The following GREB1L variants were observed in gnomAD, a reference collection of about 807,000 sequenced individuals.
GREB1L encodes the protein GREB1 like retinoic acid receptor coactivator, also known as GREB1-like protein.
GREB1L carries 17 observed loss-of-function variants against 200.8 expected under a neutral mutation model. The observed-to-expected ratio is 0.08, with a 90% CI of 0.06 to 0.13. GREB1L has a LOEUF of 0.13. Among genes scored for constraint, GREB1L ranks in the 10% least tolerant of loss-of-function variants. The pLI is 1.00. For missense variants in GREB1L, 1,657 were observed against 2,367.7 expected (o/e 0.70, Z 6.23); for synonymous variants, 789 against 893.0 (o/e 0.88, Z 2.08).
At position 21,451,951 on chromosome 18, in the gene GREB1L, TA is replaced by T. The variant is rs1474251968; in HGVS notation, c.1850-129del. 2.4e-5 allele frequency: 18 copies of T among 735,948 alleles called. No individual in the cohort carries two copies. In the Admixed American group the frequency reaches 4.9e-4, roughly 20 times the overall value. 45.6% of individuals were successfully genotyped at this position (735,948 alleles called of 1,614,324 possible). A position where few individuals can be genotyped will look rare whatever the true frequency, so the allele number is the denominator to read the frequency against. ...AGTATACTATAAAGATGGCCAAGTG[TA>T]AATGCTGATATGAATTGCTGGCTGA... On this transcript the variant is annotated intron_variant, in intron 13 of 32. Transcript: ENST00000424526.
Position 21,383,524 on chromosome 18 carries a change from G to GTTTCCT in GREB1L, c.6_7insTTTCCT (p.Gly2_Asn3insPhePro). Reference sequence around the variant, plus strand: ...GGGATGGGTAGGTGTAGATCATGGGGAATTCATATGCTGGGCAACTGAAAT... The same window carrying GTTTCCT: ...GGGATGGGTAGGTGTAGATCATGGGGTTTCCTAATTCATATGCTGGGCAACTGAAAT... On this transcript the variant is annotated inframe_insertion, in exon 3 of 33. Transcript: ENST00000424526. 1 of 1,529,980 alleles carries GTTTCCT rather than the reference G, an allele frequency of 6.5e-7. No individual in the cohort carries two copies. The highest frequency in any genetic ancestry group is 2.2e-5 in the Admixed American group (1 of 45,916). 94.8% of individuals were successfully genotyped at this position (1,529,980 alleles called of 1,614,324 possible). A position where few individuals can be genotyped will look rare whatever the true frequency, so the allele number is the denominator to read the frequency against.
chr18:21,448,967 G>T (rs915894751), intron 11 of GREB1L, among the ~76,000 whole-genome samples: 1 of 152,120 alleles, frequency 6.6e-6, no homozygotes, highest in African/African-American at 2.4e-5. Context: ...AAAATGTGAG[G>T]CTGCCTCCAA....
chr18:21,305,875 A>ATCTTTGTCCTGGAATAC (rs1371301545), intron 1 of GREB1L, among the ~76,000 whole-genome samples: 2 of 151,990 alleles, frequency 1.3e-5, no homozygotes, highest in African/African-American at 4.8e-5. Context: ...ATCTTAGCTG[A>ATCTTTGTCCTGGAATAC]TCTTTGTCCT....
chr18:21,311,062 G>C (rs2038782176), intron 1 of GREB1L, among the ~76,000 whole-genome samples: 1 of 152,210 alleles, frequency 6.6e-6, no homozygotes. Context: ...AGTGACAGGA[G>C]TGATGGAGGG....
chr18:21,491,135 A>G (rs1223672409), intron 19 of GREB1L, among the ~76,000 whole-genome samples: 1 of 152,186 alleles, frequency 6.6e-6, no homozygotes, highest in Non-Finnish European at 1.5e-5. Context: ...TAGCCATTAG[A>G]AAGCATTTAA....
At chr18:21,470,409 T>G (rs2035438058) in intron 15 of GREB1L, among the ~76,000 whole-genome samples, 1 of 152,200 alleles carries the variant, frequency 6.6e-6, no homozygotes, top group Non-Finnish European at 1.5e-5. Flanking sequence ...TTAACATAAT[T>G]AATAGTTTCA....
At chr18:21,417,669 A>G (rs1218096313) in intron 7 of GREB1L, among the ~76,000 whole-genome samples, 1 of 152,136 alleles carries the variant, frequency 6.6e-6, no homozygotes, top group East Asian at 1.9e-4. Flanking sequence ...TAGCAGATGA[A>G]AATCCGAATC....
intron 32 of GREB1L, among the ~76,000 whole-genome samples, chr18:21,521,201 A>G (rs1211905463): frequency 2.6e-5 from 4 of 152,134 alleles, no homozygotes; most frequent in Admixed American, 2.6e-4. Context: ...CGTCTCAAAA[A>G]AAAAGTAAAT....
In GREB1L at chr18:21,508,145, A is replaced by G; in HGVS notation, c.4396A>G (p.Thr1466Ala). The G allele has an allele frequency of 6.4e-7, 1 of 1,551,582 alleles. No individual in the cohort carries two copies. The highest frequency in any genetic ancestry group is 8.7e-7 in the Non-Finnish European group (1 of 1,146,978). ...QMSDSTLHAF[T>A]FSSSMLGEEV... The stretch of plus-strand genomic sequence containing the variant: ...GTCTGACTCCACCCTTCATGCCTTC[A>G]CATTCTCTTCTTCTATGCTGGGAGA... The change falls in exon 26 of 33, where the codon ACA (threonine) becomes GCA (alanine). Residue 1466 changes from threonine to alanine, a missense_variant. By Grantham distance (58) the Thr-to-Ala change is moderately conservative (BLOSUM62 0). Coordinates refer to ENST00000424526, the MANE Select transcript of GREB1L (RefSeq NM_001142966.3).
chr18:21,499,669 T>C (rs2036694068), intron 21 of GREB1L, 60 bp from the exon 22 acceptor site: 5 of 1,272,426 alleles, frequency 3.9e-6, no homozygotes, highest in African/African-American at 1.5e-5. Flanking sequence ...TTTGTCTGCT[T>C]CCACACCCTA....
At chr18:21,434,571 G>GTA (rs148448547) in intron 7 of GREB1L, among the ~76,000 whole-genome samples, 1,683 of 136,224 alleles carry the variant, frequency 0.012, 22 homozygotes, top group East Asian at 0.047. Context: ...ATATATGTGT[G>GTA]TATATATATA....
At chr18:21,355,329 G>T (rs1339680602) in intron 1 of GREB1L, among the ~76,000 whole-genome samples, 2 of 151,984 alleles carry the variant, frequency 1.3e-5, no homozygotes, top group Admixed American at 6.6e-5. Flanking sequence ...AAGTAGCTGG[G>T]ACTACAGGCA....
chr18:21,308,602 G>A (rs1444706707), intron 1 of GREB1L, among the ~76,000 whole-genome samples: 1 of 152,212 alleles, frequency 6.6e-6, no homozygotes, highest in Non-Finnish European at 1.5e-5. Flanking sequence ...GTACCACACA[G>A]TGCCTTGCTT....
At chr18:21,297,844 G>A (rs2038554711) in intron 1 of GREB1L, among the ~76,000 whole-genome samples, 1 of 151,826 alleles carries the variant, frequency 6.6e-6, no homozygotes, top group East Asian at 1.9e-4. Context: ...AATCTGCTTG[G>A]CATAAATAAG....
chr18:21,391,727 T>C (rs1431377869), intron 4 of GREB1L, among the ~76,000 whole-genome samples: 2 of 152,256 alleles, frequency 1.3e-5, no homozygotes, highest in East Asian at 1.9e-4. Flanking sequence ...TTCAGAGATT[T>C]AAAAATTAAT....
At chr18:21,278,389 A>AATAAATAAAT (rs2038208305) in intron 1 of GREB1L, among the ~76,000 whole-genome samples, 1 of 125,610 alleles carries the variant, frequency 8.0e-6, no homozygotes, top group Admixed American at 8.2e-5. Flanking sequence ...TCAAAAAAAA[A>AATAAATAAAT]AAATAAATAA....
At chr18:21,262,551 T>G (rs149547165) in intron 1 of GREB1L, among the ~76,000 whole-genome samples, 147 of 152,354 alleles carry the variant, frequency 9.6e-4, no homozygotes, top group African/African-American at 3.4e-3. Context: ...GAAAGCAATG[T>G]TCTACCTCAT....
chr18:21,371,832 CT>C (rs2039887765), intron 2 of GREB1L, among the ~76,000 whole-genome samples: 1 of 150,194 alleles, frequency 6.7e-6, no homozygotes, highest in African/African-American at 2.4e-5. Flanking sequence ...ATTTTCTGCA[CT>C]TTTTTTCTGT....
chr18:21,497,635 ACT>A (rs750907273), intron 21 of GREB1L, among the ~76,000 whole-genome samples: 3 of 151,136 alleles, frequency 2.0e-5, no homozygotes, highest in Non-Finnish European at 4.4e-5. Flanking sequence ...CAAGAGGAAA[ACT>A]CTGTCTCAAA....
Sources: gnomAD v4.1 joint callset for allele counts (sites outside exome capture counted in the v4.1 genomes callset) on GRCh38, gnomAD v4.1.1 for gene constraint, MANE v1.5 for transcripts, NCBI Gene and HGNC (gene_info 2026-07-23, HGNC 2026-07-21) for gene names.